Variants in PGBD1 observed in about 807,000 individuals in gnomAD.
PGBD1 encodes the protein piggyBac transposable element derived 1.
In PGBD1, 25 loss-of-function variants were observed where a neutral mutation model predicts 34.7. The ratio of observed to expected loss-of-function variants is 0.72; its 90% CI spans 0.52 to 1.00. The LOEUF is 1.00. Among genes scored for constraint, PGBD1 ranks in the 50% least tolerant of loss-of-function variants. The probability of loss-of-function intolerance (pLI) is 0.00; values close to 1 mark genes in which losing one functional copy is unlikely to be tolerated. For synonymous variants in PGBD1, 292 were observed against 335.7 expected, an observed-to-expected ratio of 0.87 and a Z score of 1.42; for missense variants, 830 against 959.4, an observed-to-expected ratio of 0.87 and a Z score of 1.78.
In PGBD1 at chr6:28,287,063, GC is replaced by G; in HGVS notation, c.554-14del. On this transcript the variant is annotated splice_polypyrimidine_tract_variant and intron_variant, in intron 3 of 6. Coordinates refer to ENST00000682144, the MANE Select transcript of PGBD1 (RefSeq NM_032507.4). Reference sequence around the variant, plus strand: ...CCATCATGTCTCATTTAGGACTCTTGCCCTCTCTCTCTGCAGGGCCTGTTCC... The same window carrying G: ...CCATCATGTCTCATTTAGGACTCTTGCCTCTCTCTCTGCAGGGCCTGTTCC... The G allele has an allele frequency of 6.2e-7, 1 of 1,601,100 alleles. No individual in the cohort carries two copies. Among genetic ancestry groups the G allele is most frequent in the Non-Finnish European group, 8.6e-7 (1 of 1,168,252 alleles).
intron 3 of PGBD1, 144 bp from the exon 4 acceptor site, chr6:28,286,936 G>A (rs917088947): frequency 1.5e-6 from 1 of 653,256 alleles, no homozygotes; most frequent in African/African-American, 1.8e-5. Flanking sequence ...CAGTTGTGAT[G>A]CTCTTTCTCA....
chr6:28,293,221 A>G lies in PGBD1; in HGVS notation c.643-3595A>G, dbSNP rs377273781. 2.1e-4 allele frequency among the ~76,000 whole-genome samples: 32 copies of G among 152,170 alleles called. 1 individual carries two copies. Among genetic ancestry groups the G allele is most frequent in the East Asian group, 9.6e-4 (5 of 5,186 alleles). On this transcript the variant is annotated intron_variant, in intron 4 of 6. Coordinates refer to ENST00000682144, the MANE Select transcript of PGBD1 (RefSeq NM_032507.4). ...CTCCCAAAGTGCTGGGATTACAGGC[A>G]TGAGCCACCACGCCAGGCCTCCCAT...
chr6:28,285,196 G>A (rs1257860945), intron 2 of PGBD1, among the ~76,000 whole-genome samples: 2 of 152,160 alleles, frequency 1.3e-5, no homozygotes, highest in East Asian at 3.8e-4. Context: ...GTAATGTTGT[G>A]TTCTCAGTGC....
Position 28,301,180 on chromosome 6 carries a change from T to C in PGBD1, c.1326T>C (p.Tyr442=). The C allele has an allele frequency of 1.2e-6, 2 of 1,614,206 alleles. No homozygotes were observed. Among genetic ancestry groups the C allele is most frequent in the South Asian group, 1.1e-5 (1 of 91,084 alleles). Residue 442 remains tyrosine, a synonymous_variant, in exon 7 of 7, where the codon TAT becomes TAC. Coordinates refer to ENST00000682144, the MANE Select transcript of PGBD1 (RefSeq NM_032507.4). ...FNLIVNETNN[Y]ASQKNVSLEV... ...TAATTGTCAATGAAACCAATAATTA[T>C]GCTTCTCAGAAAAATGTCAGCTTGG...
chr6:28,293,671 G>A (rs1762539999), intron 4 of PGBD1, among the ~76,000 whole-genome samples: 1 of 152,176 alleles, frequency 6.6e-6, no homozygotes, highest in South Asian at 2.1e-4. Context: ...ATGGTGATCT[G>A]TGATCAGTTA....
chr6:28,289,744 G>A (rs1762390855), intron 4 of PGBD1, among the ~76,000 whole-genome samples: 1 of 152,156 alleles, frequency 6.6e-6, no homozygotes, highest in South Asian at 2.1e-4. Flanking sequence ...TATACCTGGA[G>A]ACATGAGACA....
intron 5 of PGBD1, 121 bp downstream of exon 5, chr6:28,297,066 G>C (rs1360911704): frequency 1.8e-6 from 2 of 1,119,184 alleles, no homozygotes; most frequent in Non-Finnish European, 2.5e-6. Context: ...CCCTTCTTCT[G>C]GCCTCTGCCT....
chr6:28,295,565 C>T (rs186154258), intron 4 of PGBD1, among the ~76,000 whole-genome samples: 9 of 152,218 alleles, frequency 5.9e-5, no homozygotes, highest in Non-Finnish European at 1.0e-4. Flanking sequence ...CGTTCAACAT[C>T]GCAGGAAGCC....
chr6:28,286,751 T>C (rs1398875505), intron 3 of PGBD1, among the ~76,000 whole-genome samples: 1 of 152,158 alleles, frequency 6.6e-6, no homozygotes, highest in African/African-American at 2.4e-5. Flanking sequence ...CTCTCCTTGA[T>C]CCTTCCTTTA....
intron 2 of PGBD1, among the ~76,000 whole-genome samples, chr6:28,284,600 A>G (rs1450530501): frequency 6.6e-6 from 1 of 152,180 alleles, no homozygotes; most frequent in Non-Finnish European, 1.5e-5. Context: ...TTGAACTGCA[A>G]TGGTGGAAGG....
Position 28,300,636 on chromosome 6 carries a change from C to A in PGBD1, c.870-88C>A. 1 of 1,462,028 alleles carries A rather than the reference C, an allele frequency of 6.8e-7. No homozygotes were observed. The highest frequency in any genetic ancestry group is 9.2e-7 in the Non-Finnish European group (1 of 1,090,574). 90.6% of individuals were successfully genotyped at this position (1,462,028 alleles called of 1,614,324 possible). A position where few individuals can be genotyped will look rare whatever the true frequency, so the allele number is the denominator to read the frequency against. On this transcript the variant is annotated intron_variant, in intron 6 of 6. Coordinates refer to ENST00000682144, the MANE Select transcript of PGBD1 (RefSeq NM_032507.4). The surrounding 1 kb of genome is among the most constrained non-coding windows in gnomAD (Gnocchi z 4.0). ...GTATCCCCCCACACCCACCCCAAGC[C>A]CCAAAAGATTTAAGCTTCAGCAGAT...
chr6:28,297,736 T>A (rs1196002819), intron 5 of PGBD1, among the ~76,000 whole-genome samples, 159 bp from the exon 6 acceptor site: 2 of 152,050 alleles, frequency 1.3e-5, no homozygotes, highest in Non-Finnish European at 2.9e-5. Context: ...TTTTGTAGGA[T>A]TGCTGAAACT....
At chr6:28,284,263 G>A (rs754163709) in intron 2 of PGBD1, 54 bp downstream of exon 2, 197 of 1,440,538 alleles carry the variant, frequency 1.4e-4, no homozygotes, top group Admixed American at 5.9e-4. Flanking sequence ...GACATGTATC[G>A]GTTTATTTTT....
In PGBD1 at chr6:28,296,852, G is replaced by A. The variant is rs140761201; in HGVS notation, c.679G>A (p.Val227Ile). 383 of 1,614,120 alleles carry A rather than the reference G, an allele frequency of 2.4e-4. No individual in the cohort carries two copies. The highest frequency in any genetic ancestry group is 3.3e-4 in the Middle Eastern group (2 of 6,062). The change falls in exon 5 of 7, where the codon GTT (valine) becomes ATT (isoleucine). Residue 227 changes from valine to isoleucine, a missense_variant. Coordinates refer to ENST00000682144, the MANE Select transcript of PGBD1 (RefSeq NM_032507.4). Reference protein sequence around the residue: ...VKTEEETAQAVAAEKWSHLSL... With the variant: ...VKTEEETAQAIAAEKWSHLSL... ...GACTGAGGAAGAAACAGCCCAGGCC[G>A]TTGCTGCAGAGAAGTGGTCACATCT...
intron 4 of PGBD1, among the ~76,000 whole-genome samples, chr6:28,288,770 A>C (rs1169900812): frequency 6.6e-6 from 1 of 152,022 alleles, no homozygotes; most frequent in Non-Finnish European, 1.5e-5. Context: ...TGGGTGGATC[A>C]CGAGGTCAGG....
In PGBD1 at chr6:28,300,628, C is replaced by A; in HGVS notation, c.870-96C>A. 6 of 1,384,572 alleles carry A rather than the reference C, an allele frequency of 4.3e-6. No individual in the cohort carries two copies. The highest frequency in any genetic ancestry group is 1.5e-5 in the South Asian group (1 of 68,780). The allele number at this position is 1,384,572 out of a possible 1,614,324, so 85.8% of individuals were successfully genotyped here. The stretch of plus-strand genomic sequence containing the variant: ...ATAAGTAAGTATCCCCCCACACCCA[C>A]CCCAAGCCCCAAAAGATTTAAGCTT... On this transcript the variant is annotated intron_variant, in intron 6 of 6. Transcript: ENST00000682144. The surrounding 1 kb of genome is among the most constrained non-coding windows in gnomAD (Gnocchi z 4.0).
intron 4 of PGBD1, among the ~76,000 whole-genome samples, chr6:28,293,448 A>T (rs192554199): frequency 1.9e-4 from 29 of 152,316 alleles, no homozygotes; most frequent in African/African-American, 6.5e-4. Flanking sequence ...GATATTACAG[A>T]TACACTTCCT....
At chr6:28,292,029 A>T (rs1157110240) in intron 4 of PGBD1, among the ~76,000 whole-genome samples, 1 of 152,174 alleles carries the variant, frequency 6.6e-6, no homozygotes, top group Non-Finnish European at 1.5e-5. Flanking sequence ...ACAAGATAAG[A>T]ATGCCCATCT....
At chr6:28,289,532 C>T (rs1480120352) in intron 4 of PGBD1, among the ~76,000 whole-genome samples, 1 of 152,044 alleles carries the variant, frequency 6.6e-6, no homozygotes, top group African/African-American at 2.4e-5. Context: ...ATGGACAAAC[C>T]CAGAATACTT....
Sources: gnomAD v4.1 joint callset for allele counts (sites outside exome capture counted in the v4.1 genomes callset) on GRCh38, gnomAD v4.1.1 for gene constraint, Gnocchi (gnomAD v3.1) non-coding constraint, MANE v1.5 for transcripts, NCBI Gene and HGNC (gene_info 2026-07-23, HGNC 2026-07-21) for gene names.